SKAP1: variants seen among roughly 807,000 people sequenced by gnomAD.
The protein encoded by SKAP1 is src kinase-associated phosphoprotein 1.
Under a neutral mutation model 58.5 loss-of-function variants are expected in SKAP1, and 44 were observed. That is an observed-to-expected ratio of 0.75 (90% CI 0.59 to 0.97). SKAP1 has a LOEUF of 0.97. SKAP1 is among the 50% of genes least tolerant of loss of function. The pLI is 0.00. For synonymous variants in SKAP1, 127 were observed against 149.7 expected (o/e 0.85, Z 1.11); for missense variants, 390 against 435.2 (o/e 0.90, Z 0.92).
At chr17:48,429,705 G>A (rs2067893159) in intron 1 of SKAP1, among the ~76,000 whole-genome samples, 1 of 152,156 alleles carries the variant, frequency 6.6e-6, no homozygotes, top group South Asian at 2.1e-4. Context: ...GGAAGTCGTG[G>A]CTGGGGAAGG....
intron 11 of SKAP1, among the ~76,000 whole-genome samples, chr17:48,152,898 G>C (rs939073955): frequency 6.6e-6 from 1 of 152,040 alleles, no homozygotes; most frequent in Non-Finnish European, 1.5e-5. Context: ...GTAAAGCATC[G>C]GGCAATTCTG....
intron 4 of SKAP1, among the ~76,000 whole-genome samples, chr17:48,196,985 G>A (rs1048215277): frequency 1.4e-4 from 21 of 152,240 alleles, no homozygotes; most frequent in Non-Finnish European, 4.4e-5. Flanking sequence ...GGGGCTGGGC[G>A]TGGTGGCCCA....
the SKAP1 span, among the ~76,000 whole-genome samples, chr17:48,442,171 T>A: frequency 1.3e-5 from 2 of 152,166 alleles, no homozygotes; most frequent in African/African-American, 4.8e-5. Flanking sequence ...CAGTAGTTGG[T>A]AGGCCCAACC....
chr17:48,203,208 G>A (rs927346168), intron 4 of SKAP1, among the ~76,000 whole-genome samples: 2 of 152,192 alleles, frequency 1.3e-5, no homozygotes, highest in African/African-American at 4.8e-5. Flanking sequence ...TCCGTGCACA[G>A]GGACACAGAC....
At chr17:48,314,900 TAA>T (rs1439475696) in intron 4 of SKAP1, among the ~76,000 whole-genome samples, 2 of 152,188 alleles carry the variant, frequency 1.3e-5, no homozygotes, top group Admixed American at 1.3e-4. Flanking sequence ...GGATCCATGT[TAA>T]AAATCACATC....
intron 4 of SKAP1, among the ~76,000 whole-genome samples, chr17:48,288,725 T>C (rs1422782222): frequency 6.6e-6 from 1 of 152,108 alleles, no homozygotes; most frequent in Non-Finnish European, 1.5e-5. Flanking sequence ...AACATTTTAG[T>C]ACTGGAGGCA....
intron 4 of SKAP1, among the ~76,000 whole-genome samples, chr17:48,219,562 T>C (rs1451545053): frequency 3.3e-5 from 5 of 152,236 alleles, no homozygotes; most frequent in Admixed American, 6.5e-5. Flanking sequence ...TTAATGTTAG[T>C]TGCAAAAACA....
rs2063664147 is a variant in SKAP1, at chr17:48,133,483, C to G, written c.*341G>C. The G allele has an allele frequency of 6.6e-6, 1 of 152,218 alleles. No homozygotes were observed. Among genetic ancestry groups the G allele is most frequent in the Admixed American group, 6.5e-5 (1 of 15,272 alleles). 9.4% of individuals were successfully genotyped at this position (152,218 alleles called of 1,614,324 possible). On this transcript the variant is annotated 3_prime_UTR_variant, in exon 13 of 13. Coordinates refer to ENST00000336915, the MANE Select transcript of SKAP1 (RefSeq NM_003726.4). ...CCCAAGTTTATTTGTGCTTTTCAAA[C>G]CAGCCAGAACAACCAGTAATGTCCT...
At chr17:48,305,454 T>C (rs1340744583) in intron 4 of SKAP1, among the ~76,000 whole-genome samples, 5 of 152,236 alleles carry the variant, frequency 3.3e-5, no homozygotes, top group African/African-American at 1.2e-4. Context: ...CTCTTGAGAC[T>C]GTATGGACCA....
At chr17:48,431,494 C>A (rs2067915434), upstream of SKAP1, among the ~76,000 whole-genome samples, 1 of 152,138 alleles carries the variant, frequency 6.6e-6, no homozygotes, top group South Asian at 2.1e-4. Context: ...TAGTTAGTAG[C>A]CCTCTTTTAC....
chr17:48,241,323 CA>C (rs2065241724), intron 4 of SKAP1, among the ~76,000 whole-genome samples: 1 of 151,974 alleles, frequency 6.6e-6, no homozygotes, highest in Non-Finnish European at 1.5e-5. Flanking sequence ...TCTCTGTGTC[CA>C]TATGTATGTG....
At chr17:48,425,530 T>A (rs1236400066) in intron 1 of SKAP1, among the ~76,000 whole-genome samples, 1 of 152,242 alleles carries the variant, frequency 6.6e-6, no homozygotes, top group African/African-American at 2.4e-5. Context: ...ATATCTCACT[T>A]TTCAGAATTC....
chr17:48,301,984 G>A (rs2066063969), intron 4 of SKAP1, among the ~76,000 whole-genome samples: 1 of 152,120 alleles, frequency 6.6e-6, no homozygotes, highest in Admixed American at 6.5e-5. Flanking sequence ...AAAATATAAT[G>A]AAGACTATGT....
intron 2 of SKAP1, among the ~76,000 whole-genome samples, chr17:48,386,863 T>C (rs2067284329): frequency 6.6e-6 from 1 of 152,214 alleles, no homozygotes; most frequent in Non-Finnish European, 1.5e-5. Context: ...GTGGAACCAC[T>C]AATATTTCAA....
the SKAP1 span, among the ~76,000 whole-genome samples, chr17:48,440,444 C>A: frequency 1.2e-3 from 187 of 152,274 alleles, 1 homozygote; most frequent in East Asian, 4.6e-3. Flanking sequence ...GCGCAGTGTC[C>A]TTGGGAGGTG....
intron 4 of SKAP1, among the ~76,000 whole-genome samples, chr17:48,255,155 A>G (rs1414792730): frequency 6.6e-6 from 1 of 152,128 alleles, no homozygotes; most frequent in Non-Finnish European, 1.5e-5. Context: ...AGAGGAAAAG[A>G]GTCTGAAACC....
intron 4 of SKAP1, among the ~76,000 whole-genome samples, chr17:48,303,755 A>C (rs1220092761): frequency 6.6e-6 from 1 of 152,228 alleles, no homozygotes; most frequent in Non-Finnish European, 1.5e-5. Flanking sequence ...GATGAAATAC[A>C]GTCCTCTGAA....
intron 4 of SKAP1, among the ~76,000 whole-genome samples, chr17:48,340,394 T>C (rs1432664622): frequency 6.6e-6 from 1 of 151,982 alleles, no homozygotes; most frequent in Non-Finnish European, 1.5e-5. Context: ...ATATCTACAA[T>C]TGTAATTGGA....
chr17:48,165,803 G>A (rs1175996548), intron 10 of SKAP1, among the ~76,000 whole-genome samples: 1 of 152,168 alleles, frequency 6.6e-6, no homozygotes, highest in Non-Finnish European at 1.5e-5. Context: ...TACTCTGGCA[G>A]CCGTCTGAAA....
Sources: gnomAD v4.1 joint callset for allele counts (sites outside exome capture counted in the v4.1 genomes callset) on GRCh38, gnomAD v4.1.1 for gene constraint, MANE v1.5 for transcripts, NCBI Gene and HGNC (gene_info 2026-07-23, HGNC 2026-07-21) for gene names.